The following EYA2 variants were observed in gnomAD, a reference collection of about 807,000 sequenced individuals.
The protein encoded by EYA2 is protein phosphatase EYA2.
Under a neutral mutation model 69.2 loss-of-function variants are expected in EYA2, and 31 were observed. The observed-to-expected ratio is 0.45, with a 90% CI of 0.34 to 0.60. The LOEUF is 0.60. EYA2 is among the 20% of genes least tolerant of loss of function. The pLI is 0.02. For synonymous variants in EYA2, 257 were observed against 279.4 expected (o/e 0.92, Z 0.80); for missense variants, 622 against 701.2 (o/e 0.89, Z 1.28).
At chr20:46,957,450 G>A (rs1979196136) in intron 1 of EYA2, among the ~76,000 whole-genome samples, 1 of 151,960 alleles carries the variant, frequency 6.6e-6, no homozygotes, top group South Asian at 2.1e-4. Context: ...ATCTTGAGAT[G>A]GGGGATTATC....
intron 1 of EYA2, among the ~76,000 whole-genome samples, chr20:46,922,201 A>G (rs1455182312): frequency 6.6e-6 from 1 of 152,200 alleles, no homozygotes; most frequent in African/African-American, 2.4e-5. Flanking sequence ...ACCCCGGAGG[A>G]CAGGAGTGCT....
chr20:47,074,327 CACTT>C lies in EYA2; in HGVS notation c.654_657del (p.Ala220ValfsTer59). ...AACGTCCCCAACCAGAGTTCCGAGT[CACTT>C]GCTGGTAGGTGCAGTCACTGGTGGG... On this transcript the variant is annotated frameshift_variant, in exon 7 of 16. Coordinates refer to ENST00000327619, the MANE Select transcript of EYA2 (RefSeq NM_005244.5). LOFTEE classifies it high-confidence loss of function. 6.2e-7 allele frequency: 1 copy of C among 1,613,882 alleles called. No homozygotes were observed. Among genetic ancestry groups the C allele is most frequent in the Non-Finnish European group, 8.5e-7 (1 of 1,179,856 alleles).
intron 5 of EYA2, among the ~76,000 whole-genome samples, chr20:47,054,754 C>G (rs983237396): frequency 1.3e-5 from 2 of 152,164 alleles, no homozygotes; most frequent in African/African-American, 4.8e-5. Context: ...AGCCAGTCTC[C>G]TAGCTATGCC....
intron 2 of EYA2, among the ~76,000 whole-genome samples, chr20:46,990,899 A>G (rs1010093578): frequency 6.6e-6 from 1 of 152,238 alleles, no homozygotes; most frequent in Non-Finnish European, 1.5e-5. Context: ...ACACGTATCT[A>G]GTGGAATATA....
chr20:47,137,125 TG>T (rs2033495732), intron 9 of EYA2, among the ~76,000 whole-genome samples: 2 of 152,166 alleles, frequency 1.3e-5, no homozygotes, highest in Non-Finnish European at 1.5e-5. Context: ...CAGTTCATTC[TG>T]GTTTAAATTG....
At chr20:47,136,842 C>G (rs2033488642) in intron 9 of EYA2, among the ~76,000 whole-genome samples, 1 of 152,122 alleles carries the variant, frequency 6.6e-6, no homozygotes, top group South Asian at 2.1e-4. Flanking sequence ...AGTTCCAACT[C>G]GAAACCTCTT....
At chr20:46,940,041 C>T (rs897375300) in intron 1 of EYA2, among the ~76,000 whole-genome samples, 2 of 151,978 alleles carry the variant, frequency 1.3e-5, no homozygotes, top group African/African-American at 2.4e-5. Context: ...CTACTACGTG[C>T]GAGGATCTTG....
At chr20:46,927,464 A>G (rs186953919) in intron 1 of EYA2, among the ~76,000 whole-genome samples, 1 of 152,366 alleles carries the variant, frequency 6.6e-6, no homozygotes, top group East Asian at 1.9e-4. Flanking sequence ...TAATTTATAA[A>G]GAAAAAGAGG....
intron 9 of EYA2, among the ~76,000 whole-genome samples, chr20:47,138,928 G>T (rs116042812): frequency 0.011 from 1,658 of 152,208 alleles, 34 homozygotes; most frequent in African/African-American, 0.038. Flanking sequence ...CATTTTATGT[G>T]TCTCTAATAA....
intron 5 of EYA2, among the ~76,000 whole-genome samples, chr20:47,024,766 C>T (rs986516917): frequency 6.6e-6 from 1 of 152,218 alleles, no homozygotes; most frequent in African/African-American, 2.4e-5. Flanking sequence ...CTGTCCATGC[C>T]TAAGGCCCAA....
At chr20:47,157,330 G>A (rs1342951735) in intron 10 of EYA2, among the ~76,000 whole-genome samples, 1 of 128,390 alleles carries the variant, frequency 7.8e-6, no homozygotes, top group Non-Finnish European at 1.6e-5. Context: ...CTCCAGCCTT[G>A]GTGACAGAGC....
intron 1 of EYA2, among the ~76,000 whole-genome samples, chr20:46,977,344 C>T (rs1980525757): frequency 6.6e-6 from 1 of 152,168 alleles, no homozygotes; most frequent in Non-Finnish European, 1.5e-5. Context: ...AAGGGCCATG[C>T]AGTTCTTATC....
At chr20:46,987,127 A>G (rs74493291) in intron 1 of EYA2, among the ~76,000 whole-genome samples, 2,367 of 152,274 alleles carry the variant, frequency 0.016, 39 homozygotes, top group African/African-American at 0.044. Flanking sequence ...TTGCTGCCAG[A>G]TACTAAATAC....
At chr20:47,014,858 T>C (rs1421858781) in intron 4 of EYA2, among the ~76,000 whole-genome samples, 1 of 151,992 alleles carries the variant, frequency 6.6e-6, no homozygotes, top group Non-Finnish European at 1.5e-5. Flanking sequence ...CAAAAGTTAA[T>C]GAATAGGAAA....
At chr20:47,023,932 G>C (rs775903001) in intron 5 of EYA2, among the ~76,000 whole-genome samples, 32 of 152,142 alleles carry the variant, frequency 2.1e-4, no homozygotes, top group Non-Finnish European at 3.7e-4. Context: ...ACCATGCCCA[G>C]CCTGGGTCTT....
intron 1 of EYA2, among the ~76,000 whole-genome samples, chr20:46,923,251 A>G (rs965788990): frequency 6.6e-6 from 1 of 152,172 alleles, no homozygotes; most frequent in African/African-American, 2.4e-5. Context: ...CTGTAATACC[A>G]GCTACTCAGA....
intron 14 of EYA2, 53 bp from the exon 15 acceptor site, chr20:47,183,238 G>A (rs1024406693): frequency 6.4e-7 from 1 of 1,559,080 alleles, no homozygotes; most frequent in Non-Finnish European, 8.8e-7. Flanking sequence ...GGTATTGGCT[G>A]CAATCCGGGG....
In EYA2 at chr20:46,898,400, C is replaced by T. The variant is rs574205159; in HGVS notation, c.-11+3413C>T. ...ACACAGCCTGTTGACAGAAAACACA[C>T]ACACACACACACACACACACACACC... On this transcript the variant is annotated intron_variant, in intron 1 of 15. Coordinates refer to ENST00000327619, the MANE Select transcript of EYA2 (RefSeq NM_005244.5). Among the ~76,000 whole-genome samples, 4 of 145,930 alleles carry T rather than the reference C, an allele frequency of 2.7e-5. No individual in the cohort carries two copies. In the East Asian group the frequency reaches 7.8e-4, roughly 28 times the overall value.
intron 1 of EYA2, among the ~76,000 whole-genome samples, chr20:46,897,696 G>T (rs1366340307): frequency 6.6e-6 from 1 of 152,212 alleles, no homozygotes; most frequent in African/African-American, 2.4e-5. Flanking sequence ...ATGCCTTTCT[G>T]GGCAGAGAGA....
Sources: gnomAD v4.1 joint callset for allele counts (sites outside exome capture counted in the v4.1 genomes callset) on GRCh38, gnomAD v4.1.1 for gene constraint, MANE v1.5 for transcripts, NCBI Gene and HGNC (gene_info 2026-07-23, HGNC 2026-07-21) for gene names.